NCAPD3: variants seen among roughly 807,000 people sequenced by gnomAD.
The protein encoded by NCAPD3 is condensin-2 complex subunit D3.
A neutral mutation model predicts 182.9 loss-of-function variants in NCAPD3; 105 were observed. The ratio of observed to expected loss-of-function variants is 0.57; its 90% CI spans 0.49 to 0.68. The LOEUF (loss-of-function observed/expected upper bound fraction) is 0.68, where lower values mean the gene tolerates loss of function less well. Ranked by LOEUF, NCAPD3 falls within the 30% of genes least tolerant of loss-of-function variation. NCAPD3 has a pLI of 0.00. For synonymous variants in NCAPD3, 815 were observed against 679.9 expected (o/e 1.20, Z -3.09); for missense variants, 1,944 against 1,837.0 (o/e 1.06, Z -1.07).
chr11:134,183,737 A>G (rs558856322), intron 19 of NCAPD3, among the ~76,000 whole-genome samples: 20 of 152,326 alleles, frequency 1.3e-4, no homozygotes, highest in African/African-American at 4.8e-4. Context: ...TTAAGTCCCA[A>G]GCAAAAAAGT....
chr11:134,219,130 G>A (rs1428645393), intron 2 of NCAPD3, among the ~76,000 whole-genome samples: 4 of 152,096 alleles, frequency 2.6e-5, no homozygotes, highest in Admixed American at 2.0e-4. Context: ...TATGCCTCTT[G>A]ACACTTCCTG....
At chr11:134,218,122 GA>G (rs1486641380) in intron 2 of NCAPD3, among the ~76,000 whole-genome samples, 1,099 of 46,336 alleles carry the variant, frequency 0.024, 85 homozygotes, top group East Asian at 0.23. Flanking sequence ...GGGGGGGGGG[GA>G]AGAAATCATC....
intron 23 of NCAPD3, 78 bp downstream of exon 23, chr11:134,177,141 T>A (rs1424725620): frequency 8.8e-7 from 1 of 1,139,072 alleles, no homozygotes; most frequent in Non-Finnish European, 1.3e-6. Context: ...GCAAGCACAT[T>A]TCCTATGCTA....
At chr11:134,180,483 C>A (rs1944272039) in intron 20 of NCAPD3, among the ~76,000 whole-genome samples, 1 of 152,186 alleles carries the variant, frequency 6.6e-6, no homozygotes, top group Non-Finnish European at 1.5e-5. Context: ...CCCCAGTCAG[C>A]CACTGAAATC....
Position 134,153,305 on chromosome 11 carries a change from A to G in NCAPD3, c.4311T>C (p.Thr1437=), listed in dbSNP as rs1439247067. The G allele has an allele frequency of 6.2e-7, 1 of 1,614,116 alleles. No homozygotes were observed. Among genetic ancestry groups the G allele is most frequent in the African/African-American group, 1.3e-5 (1 of 74,940 alleles). ...AGAACTTGCCTTTGGCTGACGACGG[A>G]GTCCGTGGTGTCCCGATGTAACTGA... The part of the protein sequence containing the change: ...AGVSYIGTPR[T]PSSAKEKIEG... The change falls in exon 33 of 35, where the codon ACT becomes ACC. Residue 1437 remains threonine (T), a synonymous_variant. Coordinates refer to ENST00000534548, the MANE Select transcript of NCAPD3 (RefSeq NM_015261.3).
intron 24 of NCAPD3, chr11:134,173,431 C>A: frequency 6.5e-6 from 1 of 153,614 alleles, no homozygotes; most frequent in South Asian, 1.8e-4. Context: ...CCAGAGCTGT[C>A]CGTGCTACCT....
intron 18 of NCAPD3, 60 bp from the exon 19 acceptor site, chr11:134,184,812 C>CACAT: frequency 7.6e-6 from 2 of 263,400 alleles, no homozygotes; most frequent in Non-Finnish European, 1.1e-5. Context: ...GGTATATATA[C>CACAT]ACACACACAC....
chr11:134,154,416 A>T (rs1943356211), intron 32 of NCAPD3, among the ~76,000 whole-genome samples: 1 of 149,530 alleles, frequency 6.7e-6, no homozygotes, highest in Admixed American at 6.6e-5. Context: ...GTGCACAAAC[A>T]CGTCCACCCT....
At chr11:134,156,765 G>A in intron 32 of NCAPD3, 1 of 339,140 alleles carries the variant, frequency 2.9e-6, no homozygotes. Flanking sequence ...TGCCTCAACG[G>A]CATTGTCTGC....
intron 2 of NCAPD3, among the ~76,000 whole-genome samples, chr11:134,218,211 C>T (rs994246339): frequency 4.0e-5 from 6 of 151,858 alleles, no homozygotes; most frequent in African/African-American, 1.5e-4. Context: ...GATCGATCAC[C>T]CTAAACCATC....
rs1180601948 is a variant in NCAPD3, at chr11:134,223,933, A to C, written c.-7T>G. On this transcript the variant is annotated 5_prime_UTR_variant, in exon 1 of 35. Coordinates refer to ENST00000534548, the MANE Select transcript of NCAPD3 (RefSeq NM_015261.3). ...GGCCCCGCAACGCCACCATGATCCC[A>C]GGGCACCGGCTCGCCGCCGCCGTGC... 6.2e-7 allele frequency: 1 copy of C among 1,611,916 alleles called. No individual in the cohort carries two copies. The highest frequency in any genetic ancestry group is 8.5e-7 in the Non-Finnish European group (1 of 1,179,632).
chr11:134,201,457 C>A (rs1944746878), intron 13 of NCAPD3, among the ~76,000 whole-genome samples: 1 of 152,164 alleles, frequency 6.6e-6, no homozygotes, highest in Non-Finnish European at 1.5e-5. Flanking sequence ...TTAGTCTGTA[C>A]AATCTTGTGA....
chr11:134,184,808 T>TACACACACAC lies in NCAPD3; in HGVS notation c.2336-57_2336-56insGTGTGTGTGT, dbSNP rs770341081. 264 of 955,116 alleles carry TACACACACAC rather than the reference T, an allele frequency of 2.8e-4. 1 individual carries two copies. The highest frequency in any genetic ancestry group is 8.7e-4 in the Middle Eastern group (4 of 4,572). The allele number at this position is 955,116 out of a possible 1,614,324, so 59.2% of individuals were successfully genotyped here. On this transcript the variant is annotated intron_variant, in intron 18 of 34. Coordinates refer to ENST00000534548, the MANE Select transcript of NCAPD3 (RefSeq NM_015261.3). ...AACTGCTTAAATATATTCAGGTATA[T>TACACACACAC]ATACACACACACACACACACACACA...
intron 7 of NCAPD3, 152 bp downstream of exon 7, chr11:134,208,712 G>A: frequency 1.6e-6 from 1 of 629,002 alleles, no homozygotes; most frequent in East Asian, 3.0e-5. Context: ...TAGAAATAGT[G>A]ATACTTTTTA....
At chr11:134,163,465 C>T (rs369645921) in intron 27 of NCAPD3, among the ~76,000 whole-genome samples, 7 of 151,822 alleles carry the variant, frequency 4.6e-5, no homozygotes, top group African/African-American at 7.3e-5. Context: ...TTTGGAAGGC[C>T]GAGGCGGGCA....
At chr11:134,212,866 T>C (rs928331777) in intron 3 of NCAPD3, among the ~76,000 whole-genome samples, 1 of 150,534 alleles carries the variant, frequency 6.6e-6, no homozygotes, top group Non-Finnish European at 1.5e-5. Flanking sequence ...GATACTAAAA[T>C]CCAAAACAAG....
upstream of NCAPD3, chr11:134,224,844 G>A (rs1938403383): frequency 1.2e-5 from 2 of 160,484 alleles, no homozygotes; most frequent in Middle Eastern, 2.6e-3. Context: ...CCGGCCGCGG[G>A]ACTGGCTGGG....
chr11:134,195,912 G>C (rs993168090), intron 13 of NCAPD3, among the ~76,000 whole-genome samples: 2 of 152,132 alleles, frequency 1.3e-5, no homozygotes, highest in African/African-American at 2.4e-5. Flanking sequence ...TCAGAGTGTG[G>C]AAGGCAAATG....
rs548599881 is a variant in NCAPD3, at chr11:134,202,875, C to T, written c.1556G>A (p.Arg519His). ...AFSYQRQTSNRSEPSGEINID... is the reference protein window; with the variant it reads ...AFSYQRQTSNHSEPSGEINID... ...GTTGATCTCCCCTGAGGGTTCGGAA[C>T]GGTTAGATGTCTGCCTTTGGTAGGA... Residue 519 changes from arginine to histidine, a missense_variant, in exon 13 of 35, where the codon CGT becomes CAT. By Grantham distance (29) the Arg-to-His change is conservative. This residue lies in a region of NCAPD3 where 1,803 missense variants were observed against 1,674.6 expected (regional missense o/e 1.08). Coordinates refer to ENST00000534548, the MANE Select transcript of NCAPD3 (RefSeq NM_015261.3). 944 of 1,605,808 alleles carry T rather than the reference C, an allele frequency of 5.9e-4. 13 individuals are homozygous for T. In the South Asian group the frequency reaches 9.5e-3, roughly 16 times the overall value.
Sources: allele counts gnomAD v4.1 joint callset (sites outside exome capture counted in the v4.1 genomes callset), GRCh38; gene constraint gnomAD v4.1.1; regional missense constraint gnomAD v4.1.1; transcripts MANE v1.5; gene names NCBI Gene and HGNC (gene_info 2026-07-23, HGNC 2026-07-21).